The following PINX1 variants were observed in gnomAD, a reference collection of about 807,000 sequenced individuals.
The protein encoded by PINX1 is PIN2/TERF1-interacting telomerase inhibitor 1.
A neutral mutation model predicts 25.4 loss-of-function variants in PINX1; 34 were observed. The ratio of observed to expected loss-of-function variants is 1.34; its 90% CI spans 1.02 to 1.78. The LOEUF (loss-of-function observed/expected upper bound fraction) is 1.78. PINX1 is among the 40% of genes most tolerant of loss of function. The pLI is 0.00. For missense variants in PINX1, 592 were observed against 404.9 expected (o/e 1.46, Z -3.97); for synonymous variants, 197 against 147.7 (o/e 1.33, Z -2.42).
Position 10,820,104 on chromosome 8 carries a change from G to A in PINX1, c.471+89C>T. 4.8e-6 allele frequency: 4 copies of A among 832,048 alleles called. No homozygotes were observed. In the East Asian group the frequency reaches 1.0e-4, roughly 21 times the overall value. The allele number at this position is 832,048 out of a possible 1,614,324, so 51.5% of individuals were successfully genotyped here. ...GTGTTTTGGAAAGTTTGTCAGAAAA[G>A]TACTAGTCATAGATAGAAACAGTCC... On this transcript the variant is annotated intron_variant, in intron 6 of 6. Coordinates refer to ENST00000314787, the MANE Select transcript of PINX1 (RefSeq NM_017884.6).
At chr8:10,801,216 T>C (rs1246876162) in intron 6 of PINX1, among the ~76,000 whole-genome samples, 1 of 152,106 alleles carries the variant, frequency 6.6e-6, no homozygotes, top group Admixed American at 6.6e-5. Flanking sequence ...GGGAAGTGAA[T>C]AGAGGAAAGG....
intron 6 of PINX1, among the ~76,000 whole-genome samples, chr8:10,772,872 G>C (rs1801272596): frequency 6.6e-6 from 1 of 152,042 alleles, no homozygotes; most frequent in Non-Finnish European, 1.5e-5. Flanking sequence ...GGTTCCAGAG[G>C]GTTCTCTCTA....
At chr8:10,776,328 G>C (rs962030556) in intron 6 of PINX1, among the ~76,000 whole-genome samples, 1 of 152,040 alleles carries the variant, frequency 6.6e-6, no homozygotes, top group African/African-American at 2.4e-5. Context: ...GGGAGGCTGA[G>C]ACAGGAGAAT....
At chr8:10,822,285 G>T (rs1048971483) in intron 5 of PINX1, among the ~76,000 whole-genome samples, 4 of 152,232 alleles carry the variant, frequency 2.6e-5, no homozygotes, top group South Asian at 2.1e-4. Flanking sequence ...GGCCGCTTTT[G>T]AATAAATACG....
intron 6 of PINX1, among the ~76,000 whole-genome samples, chr8:10,813,596 G>A (rs1797603349): frequency 6.6e-6 from 1 of 152,154 alleles, no homozygotes. Context: ...AAGAAGTCAT[G>A]CTTTGCCTCA....
At chr8:10,834,917 C>T (rs1386996928) in intron 1 of PINX1, 142 bp from the exon 2 acceptor site, 3 of 617,614 alleles carry the variant, frequency 4.9e-6, no homozygotes, top group South Asian at 2.0e-5. Context: ...TAATTCAACA[C>T]TCAACAGAAT....
At chr8:10,819,981 AAC>A (rs1423158277) in intron 6 of PINX1, among the ~76,000 whole-genome samples, 3 of 152,192 alleles carry the variant, frequency 2.0e-5, no homozygotes, top group African/African-American at 7.2e-5. Flanking sequence ...AACACCAGAA[AAC>A]ACTTATTCTT....
At chr8:10,767,132 G>A (rs1801077696) in intron 6 of PINX1, among the ~76,000 whole-genome samples, 1 of 152,150 alleles carries the variant, frequency 6.6e-6, no homozygotes, top group Non-Finnish European at 1.5e-5. Flanking sequence ...TGGGAGGGTG[G>A]GAAACGGCTC....
chr8:10,825,566 G>A (rs1023153942), intron 5 of PINX1: 14 of 435,668 alleles, frequency 3.2e-5, no homozygotes, highest in African/African-American at 2.7e-4. Flanking sequence ...TACTGGGAAG[G>A]GGCTAGGGAG....
chr8:10,831,880 A>C (rs1310239698), intron 3 of PINX1, 137 bp from the exon 4 acceptor site: 23 of 630,460 alleles, frequency 3.6e-5, no homozygotes, highest in Non-Finnish European at 6.3e-5. Context: ...CTATTTGATA[A>C]ATTTAAGTGG....
chr8:10,765,793 C>A lies in PINX1; in HGVS notation c.595G>T (p.Gly199Trp). The A allele has an allele frequency of 6.2e-7, 1 of 1,613,962 alleles. No homozygotes were observed. Among genetic ancestry groups the A allele is most frequent in the East Asian group, 2.2e-5 (1 of 44,886 alleles). Residue 199 changes from glycine (G) to tryptophan (W), a missense_variant, in exon 7 of 7, where the codon GGG becomes TGG. Transcript: ENST00000314787. ...LKNKPQVPVP[G>W]SDISETQVER... ...ACCTGCGTCTCAGAAATGTCAGACC[C>A]TGGAACTGGAACCTGGGGCTTGTTC... is the stretch of plus-strand genomic sequence containing the variant.
At chr8:10,831,985 T>C (rs1798239577) in intron 3 of PINX1, among the ~76,000 whole-genome samples, 2 of 152,238 alleles carry the variant, frequency 1.3e-5, no homozygotes, top group African/African-American at 4.8e-5. Flanking sequence ...CAAATGTGAA[T>C]GACTTATCGA....
At position 10,828,358 on chromosome 8, in the gene PINX1, G is replaced by C. The variant is rs572466081; in HGVS notation, c.302-2114C>G. ...TTAAAGCGGCTCCTACCGACTGCAA[G>C]TGTATGAGGGACGAGGCGCTGGACT... On this transcript the variant is annotated intron_variant, in intron 4 of 6. Coordinates refer to ENST00000314787, the MANE Select transcript of PINX1 (RefSeq NM_017884.6). 7.9e-5 allele frequency among the ~76,000 whole-genome samples: 12 copies of C among 152,344 alleles called. No homozygotes were observed. The South Asian group carries it at 2.5e-3, about 32-fold the overall frequency.
intron 6 of PINX1, among the ~76,000 whole-genome samples, chr8:10,798,218 G>GATTT (rs1267997141): frequency 1.3e-5 from 2 of 152,192 alleles, no homozygotes; most frequent in Non-Finnish European, 2.9e-5. Context: ...TGTGGCCTGG[G>GATTT]TAATGCTTAT....
At chr8:10,786,561 G>C (rs1032359059) in intron 6 of PINX1, among the ~76,000 whole-genome samples, 20 of 152,182 alleles carry the variant, frequency 1.3e-4, no homozygotes, top group African/African-American at 4.6e-4. Context: ...AATTAAGCGT[G>C]AGCTACGCCC....
At chr8:10,777,983 AC>A (rs772455976) in intron 6 of PINX1, among the ~76,000 whole-genome samples, 22 of 152,200 alleles carry the variant, frequency 1.4e-4, no homozygotes, top group Non-Finnish European at 2.6e-4. Context: ...AATCCGCCTC[AC>A]AGTGCAAAGG....
At chr8:10,820,376 A>G in intron 5 of PINX1, 107 bp from the exon 6 acceptor site, 1 of 773,672 alleles carries the variant, frequency 1.3e-6, no homozygotes, top group African/African-American at 1.7e-5. Context: ...TGGGAAAGAA[A>G]GAAACAATTT....
chr8:10,828,844 C>G (rs928562442), intron 4 of PINX1, among the ~76,000 whole-genome samples: 1 of 152,184 alleles, frequency 6.6e-6, no homozygotes, highest in Non-Finnish European at 1.5e-5. Flanking sequence ...AGGGAAAATA[C>G]TGTTGTCAAA....
In PINX1 at chr8:10,807,947, G is replaced by A. The variant is rs117620305; in HGVS notation, c.471+12246C>T. On this transcript the variant is annotated intron_variant, in intron 6 of 6. Transcript: ENST00000314787. ...TGGGAGACAGATCCAGCTGACAGAT[G>A]ATCTGATGCAGCTGACACACTGAAA... 7.6e-3 allele frequency among the ~76,000 whole-genome samples: 1,162 copies of A among 152,254 alleles called. 11 individuals are homozygous for A. Among genetic ancestry groups the A allele is most frequent in the East Asian group, 0.03 (153 of 5,182 alleles).
Sources: allele counts gnomAD v4.1 joint callset (sites outside exome capture counted in the v4.1 genomes callset), GRCh38; gene constraint gnomAD v4.1.1; transcripts MANE v1.5; gene names NCBI Gene and HGNC (gene_info 2026-07-23, HGNC 2026-07-21).